Variants in ATXN2L observed in about 807,000 individuals in gnomAD.
ATXN2L encodes the protein ataxin 2 like, also known as ataxin-2-like protein.
Under a neutral mutation model 120.7 loss-of-function variants are expected in ATXN2L, and 24 were observed. The observed-to-expected ratio is 0.20, with a 90% CI of 0.14 to 0.28. ATXN2L has a LOEUF of 0.28. ATXN2L is among the 10% of genes least tolerant of loss of function. The probability of loss-of-function intolerance (pLI) is 1.00; values close to 1 mark genes in which losing one functional copy is unlikely to be tolerated. For missense variants in ATXN2L, 1,312 were observed against 1,432.3 expected, an observed-to-expected ratio of 0.92 and a Z score of 1.36; for synonymous variants, 653 against 568.1, an observed-to-expected ratio of 1.15 and a Z score of -2.13.
chr16:28,832,301 C>A lies in ATXN2L; in HGVS notation c.1418C>A (p.Thr473Asn), dbSNP rs1413978209. 6.2e-7 allele frequency: 1 copy of A among 1,614,158 alleles called. No homozygotes were observed. The highest frequency in any genetic ancestry group is 2.2e-5 in the East Asian group (1 of 44,882). ...PEPPIGSAVPTSSASIPVTSS... is the reference protein window; with the variant it reads ...PEPPIGSAVPNSSASIPVTSS... Reference sequence around the variant, plus strand: ...CCTCCCATCGGCTCGGCAGTGCCAACCTCTTCAGCCTCCATCCCTGTGACC... The same window carrying A: ...CCTCCCATCGGCTCGGCAGTGCCAAACTCTTCAGCCTCCATCCCTGTGACC... The change falls in exon 11 of 22, where the codon ACC becomes AAC. Residue 473 changes from threonine to asparagine, a missense_variant. Thr to Asn is a moderately conservative substitution (Grantham distance 65). Transcript: ENST00000336783.
At position 28,835,644 on chromosome 16, in the gene ATXN2L, A is replaced by C. The variant is rs201552308; in HGVS notation, c.2781A>C (p.Pro927=). The part of the protein sequence containing the change: ...GALTGTPPSL[P]PGPSAQSPQS... ...TGACAGGCACGCCGCCCTCTCTGCC[A>C]CCGGGACCTTCTGCCCAGTCCCCTC... The change falls in exon 21 of 22, where the codon CCA becomes CCC. Residue 927 remains proline, a synonymous_variant. Transcript: ENST00000336783. 12 of 1,613,914 alleles carry C rather than the reference A, an allele frequency of 7.4e-6. No individual in the cohort carries two copies. In the Admixed American group the frequency reaches 1.8e-4, roughly 25 times the overall value.
intron 21 of ATXN2L, 22 bp from the exon 22 acceptor site, chr16:28,835,911 G>T (rs1359780429): frequency 1.3e-6 from 2 of 1,549,028 alleles, no homozygotes; most frequent in Non-Finnish European, 1.7e-6. Context: ...GGTCTTCCCG[G>T]CTACTTTTTT....
chr16:28,824,503 C>T (rs2051033243), intron 1 of ATXN2L: 1 of 1,288,026 alleles, frequency 7.8e-7, no homozygotes, highest in Non-Finnish European at 1.0e-6. Context: ...CATCAGCCAG[C>T]GACGAGCAGG....
rs374460892 is a variant in ATXN2L at position 28,827,010 on chromosome 16, T to C, written c.741+24T>C. The C allele has an allele frequency of 3.1e-5, 44 of 1,429,486 alleles. No individual in the cohort carries two copies. The African/African-American group carries it at 4.6e-4, about 15-fold the overall frequency. 88.6% of individuals were successfully genotyped at this position (1,429,486 alleles called of 1,614,324 possible). ...TGGTATAGCCTCCTTCCCTGAGAAC[T>C]TGGGAGCTGGACAGACAGAATGGGT... On this transcript the variant is annotated intron_variant, in intron 6 of 21. Coordinates refer to ENST00000336783, the MANE Select transcript of ATXN2L (RefSeq NM_007245.4).
In ATXN2L at chr16:28,823,120, A is replaced by G; in HGVS notation, c.-140A>G. ...GCGGTCTTCTCTCTCCACCCCCGAC[A>G]CCGCGGGGCTCCCCCCGCCCGCCCA... On this transcript the variant is annotated 5_prime_UTR_variant, in exon 1 of 22. Transcript: ENST00000336783. 6.3e-6 allele frequency: 1 copy of G among 157,550 alleles called. No homozygotes were observed. Among genetic ancestry groups the G allele is most frequent in the Non-Finnish European group, 1.1e-5 (1 of 90,288 alleles). The allele number at this position is 157,550 out of a possible 1,614,324, so 9.8% of individuals were successfully genotyped here.
intron 15 of ATXN2L, chr16:28,833,748 A>T: frequency 1.6e-6 from 1 of 610,828 alleles, no homozygotes; most frequent in Non-Finnish European, 2.9e-6. Flanking sequence ...ATGAGGGGTT[A>T]ACAGGCTTTT....
chr16:28,835,185 A>G lies in ATXN2L; in HGVS notation c.2561A>G (p.Tyr854Cys). Residue 854 changes from tyrosine to cysteine, a missense_variant and splice_region_variant, in exon 19 of 22, where the codon TAT (tyrosine) becomes TGT (cysteine). Transcript: ENST00000336783. ...SAEQPTPQAL[Y>C]ATVHQSYPHH... is the part of the protein sequence containing the mutation. ...GAGCAGCCTACCCCCCAAGCCCTTTATGGTGAGTCCTGCGCCTGGTCCCTC... is the reference window on the plus strand; with the variant it reads ...GAGCAGCCTACCCCCCAAGCCCTTTGTGGTGAGTCCTGCGCCTGGTCCCTC... 6.2e-7 allele frequency: 1 copy of G among 1,611,144 alleles called. No homozygotes were observed. The highest frequency in any genetic ancestry group is 8.5e-7 in the Non-Finnish European group (1 of 1,178,338).
Position 28,836,460 on chromosome 16 carries a change from C to T in ATXN2L, c.*195C>T. The T allele has an allele frequency of 6.2e-7, 1 of 1,612,260 alleles. No individual in the cohort carries two copies. The highest frequency in any genetic ancestry group is 8.5e-7 in the Non-Finnish European group (1 of 1,179,342). On this transcript the variant is annotated 3_prime_UTR_variant, in exon 22 of 22. Transcript: ENST00000336783. The stretch of plus-strand genomic sequence containing the variant: ...CACTGCCTCCCCAGCTCTCAGTGAC[C>T]CCGACTGTCTCCTGACTTAGCCGAG...
chr16:28,835,880 G>C, intron 21 of ATXN2L, 53 bp from the exon 22 acceptor site: 2 of 1,568,000 alleles, frequency 1.3e-6, no homozygotes, highest in South Asian at 2.4e-5. Flanking sequence ...CTGGCTCTCA[G>C]AGTCTGTTTC....
chr16:28,833,189 C>T lies in ATXN2L; in HGVS notation c.1790C>T (p.Ser597Phe). The T allele has an allele frequency of 6.2e-7, 1 of 1,614,168 alleles. No individual in the cohort carries two copies. Among genetic ancestry groups the T allele is most frequent in the Non-Finnish European group, 8.5e-7 (1 of 1,180,040 alleles). Residue 597 changes from serine (S) to phenylalanine (F), a missense_variant, in exon 14 of 22, where the codon TCC becomes TTC. Ser to Phe is a radical substitution (Grantham distance 155, BLOSUM62 -2). Coordinates refer to ENST00000336783, the MANE Select transcript of ATXN2L (RefSeq NM_007245.4). Reference protein sequence around the residue: ...LTSEPMGSPVSSKTESVSDKE... With the variant: ...LTSEPMGSPVFSKTESVSDKE... ...TCAGAGCCCATGGGGTCTCCCGTCT[C>T]CTCCAAGACAGAGTCCGTATCGGAT... is the stretch of plus-strand genomic sequence containing the variant.
At position 28,833,223 on chromosome 16, in the gene ATXN2L, C is replaced by T. The variant is rs758706588; in HGVS notation, c.1824C>T (p.Asp608=). 1.2e-6 allele frequency: 2 copies of T among 1,614,090 alleles called. No individual in the cohort carries two copies. Among genetic ancestry groups the T allele is most frequent in the Non-Finnish European group, 1.7e-6 (2 of 1,180,062 alleles). Residue 608 remains aspartate, a synonymous_variant, in exon 14 of 22, where the codon GAC becomes GAT. Transcript: ENST00000336783. ...CAGAGTCCGTATCGGATAAGGAGGACAAACCACCCCTGGCACCATCAGGAG... is the reference window on the plus strand; with the variant it reads ...CAGAGTCCGTATCGGATAAGGAGGATAAACCACCCCTGGCACCATCAGGAG... ...SKTESVSDKE[D]KPPLAPSGGT...
At position 28,823,186 on chromosome 16, in the gene ATXN2L, T is replaced by C. The variant is rs796686806; in HGVS notation, c.-74T>C. On this transcript the variant is annotated 5_prime_UTR_variant, in exon 1 of 22. Transcript: ENST00000336783. ...GCCCGATCCCCCTCGCTTCCCGCGC[T>C]CTCCAGCGGGGCCCCAGCCCCGGCC... The C allele has an allele frequency of 2.1e-3, 2,169 of 1,010,504 alleles. 6 individuals are homozygous for C. Among genetic ancestry groups the C allele is most frequent in the Non-Finnish European group, 2.5e-3 (2,012 of 796,022 alleles). 62.6% of individuals were successfully genotyped at this position (1,010,504 alleles called of 1,614,324 possible).
chr16:28,826,195 T>C lies in ATXN2L; in HGVS notation c.466-45T>C, dbSNP rs772925916. 7 of 1,603,096 alleles carry C rather than the reference T, an allele frequency of 4.4e-6. No individual in the cohort carries two copies. In the South Asian group the frequency reaches 7.7e-5, roughly 18 times the overall value. On this transcript the variant is annotated intron_variant, in intron 4 of 21. Coordinates refer to ENST00000336783, the MANE Select transcript of ATXN2L (RefSeq NM_007245.4). ...ATCCAGTTCTATTTTTGCCTTCACTTTTCTTGAAACTGACCCATGGGTGTG... is the reference window on the plus strand; with the variant it reads ...ATCCAGTTCTATTTTTGCCTTCACTCTTCTTGAAACTGACCCATGGGTGTG...
rs1215940461 is a variant in ATXN2L at position 28,836,859 on chromosome 16, C to G, written c.*594C>G. ...TCTCTTCCCCCAGCAGCTCGGACCACTCCCAGCCCCCCATCCCCCCGTTCC... is the reference window on the plus strand; with the variant it reads ...TCTCTTCCCCCAGCAGCTCGGACCAGTCCCAGCCCCCCATCCCCCCGTTCC... On this transcript the variant is annotated 3_prime_UTR_variant, in exon 22 of 22. Transcript: ENST00000336783. The G allele has an allele frequency of 6.8e-6, 10 of 1,462,722 alleles. No homozygotes were observed. Among genetic ancestry groups the G allele is most frequent in the Non-Finnish European group, 8.5e-6 (9 of 1,054,362 alleles). 90.6% of individuals were successfully genotyped at this position (1,462,722 alleles called of 1,614,324 possible).
chr16:28,829,395 C>T lies in ATXN2L; in HGVS notation c.742-6C>T, dbSNP rs1316765566. 1.0e-5 allele frequency: 16 copies of T among 1,605,144 alleles called. No individual in the cohort carries two copies. The highest frequency in any genetic ancestry group is 2.2e-5 in the East Asian group (1 of 44,846). ...GGGTTTTAAAACCACCTTCCTCCCTCCCCAGTCCAATGGATGGGACCCCAA... is the reference window on the plus strand; with the variant it reads ...GGGTTTTAAAACCACCTTCCTCCCTTCCCAGTCCAATGGATGGGACCCCAA... On this transcript the variant is annotated splice_polypyrimidine_tract_variant and splice_region_variant and intron_variant, in intron 6 of 21. Coordinates refer to ENST00000336783, the MANE Select transcript of ATXN2L (RefSeq NM_007245.4).
chr16:28,830,018 C>T lies in ATXN2L; in HGVS notation c.994C>T (p.Arg332Trp), dbSNP rs780022194. 5.6e-6 allele frequency: 9 copies of T among 1,613,928 alleles called. No homozygotes were observed. The highest frequency in any genetic ancestry group is 2.2e-5 in the East Asian group (1 of 44,870). Reference protein sequence around the residue: ...TEEEKHSAVQRQGSGRESPSL... With the variant: ...TEEEKHSAVQWQGSGRESPSL... ...AGAGGAGAAGCACAGTGCAGTCCAG[C>T]GGCAGGGCTCAGGGCGGGAGAGCCC... Residue 332 changes from arginine (R) to tryptophan (W), a missense_variant, in exon 8 of 22, where the codon CGG becomes TGG. Physicochemically the swap from Arg to Trp is moderately radical, Grantham distance 101 (BLOSUM62 -3). Coordinates refer to ENST00000336783, the MANE Select transcript of ATXN2L (RefSeq NM_007245.4).
rs11544942 is a variant in ATXN2L, at chr16:28,833,268, G to T, written c.1869G>T (p.Gln623His). The T allele has an allele frequency of 6.2e-7, 1 of 1,614,210 alleles. No individual in the cohort carries two copies. Among genetic ancestry groups the T allele is most frequent in the South Asian group, 1.1e-5 (1 of 91,080 alleles). ...APSGGTEGPE[Q>H]PPPPCPSQTG... Reference sequence around the variant, plus strand: ...CAGGAGGCACTGAGGGGCCAGAGCAGCCCCCACCACCTTGTCCAAGCCAAA... The same window carrying T: ...CAGGAGGCACTGAGGGGCCAGAGCATCCCCCACCACCTTGTCCAAGCCAAA... Residue 623 changes from glutamine (Q) to histidine (H), a missense_variant, in exon 14 of 22, where the codon CAG becomes CAT. Gln to His is a conservative substitution (Grantham distance 24, BLOSUM62 0). Coordinates refer to ENST00000336783, the MANE Select transcript of ATXN2L (RefSeq NM_007245.4).
chr16:28,828,709 C>G lies in ATXN2L; in HGVS notation c.742-692C>G, dbSNP rs1333717210. ...CGTTTATTTTTGAGACGAGCTTGCT[C>G]TGTTGCCCGGGTTTTTGTTGTAGTT... On this transcript the variant is annotated intron_variant, in intron 6 of 21. Transcript: ENST00000336783. Among the ~76,000 whole-genome samples the G allele has an allele frequency of 2.0e-5, 3 of 151,276 alleles. No individual in the cohort carries two copies. The East Asian group carries it at 5.8e-4, about 29-fold the overall frequency.
intron 6 of ATXN2L, among the ~76,000 whole-genome samples, chr16:28,828,766 G>A (rs1195617005): frequency 6.7e-6 from 1 of 150,190 alleles, no homozygotes; most frequent in Non-Finnish European, 1.5e-5. Context: ...TGTTTTTTTT[G>A]GAGACAGGGT....
Sources: allele counts gnomAD v4.1 joint callset (sites outside exome capture counted in the v4.1 genomes callset), GRCh38; gene constraint gnomAD v4.1.1; transcripts MANE v1.5; gene names NCBI Gene and HGNC (gene_info 2026-07-23, HGNC 2026-07-21).